PLXNA4: variants seen among roughly 807,000 people sequenced by gnomAD.
PLXNA4 encodes the protein plexin-A4.
A neutral mutation model predicts 191.8 loss-of-function variants in PLXNA4; 44 were observed. That is an observed-to-expected ratio of 0.23 (90% CI 0.18 to 0.29). The LOEUF (loss-of-function observed/expected upper bound fraction) is 0.29, where lower values mean the gene tolerates loss of function less well. Ranked by LOEUF, PLXNA4 falls within the 10% of genes least tolerant of loss-of-function variation. The pLI, the probability that PLXNA4 is intolerant of heterozygous loss-of-function variation, is 1.00. For missense variants in PLXNA4, 1,800 were observed against 2,488.8 expected, an observed-to-expected ratio of 0.72 and a Z score of 5.89; for synonymous variants, 1,082 against 1,009.5, an observed-to-expected ratio of 1.07 and a Z score of -1.36.
At chr7:132,457,901 G>A (rs2117339628) in intron 3 of PLXNA4, among the ~76,000 whole-genome samples, 1 of 152,324 alleles carries the variant, frequency 6.6e-6, no homozygotes, top group Middle Eastern at 3.4e-3. Context: ...TTCTCCTCTG[G>A]AGGCTCCAGC....
At chr7:132,228,239 C>CG (rs1562979185) in intron 6 of PLXNA4, 107 bp downstream of exon 6, 1 of 1,464,048 alleles carries the variant, frequency 6.8e-7, no homozygotes, top group African/African-American at 1.4e-5. Context: ...TTCTGCTGGC[C>CG]GGGCTTGGCC....
intron 2 of PLXNA4, among the ~76,000 whole-genome samples, chr7:132,628,668 A>T (rs1317887082): frequency 2.0e-5 from 3 of 150,654 alleles, no homozygotes; most frequent in Admixed American, 2.0e-4. Flanking sequence ...GGTTAATTTG[A>T]TCTAATTTCT....
intron 1 of PLXNA4, among the ~76,000 whole-genome samples, chr7:132,567,097 A>G (rs528943003): frequency 5.1e-4 from 78 of 152,270 alleles, no homozygotes; most frequent in Admixed American, 3.3e-3. Context: ...TGGCCCAATA[A>G]CCTGAAAAGC....
At chr7:132,319,902 A>C (rs1313739846) in intron 3 of PLXNA4, among the ~76,000 whole-genome samples, 1 of 152,270 alleles carries the variant, frequency 6.6e-6, no homozygotes, top group Admixed American at 6.5e-5. Flanking sequence ...GCTCTGCTGG[A>C]GTTCTGCAGG....
intron 3 of PLXNA4, among the ~76,000 whole-genome samples, chr7:132,414,433 T>C (rs1794581247): frequency 6.6e-6 from 1 of 152,132 alleles, no homozygotes; most frequent in African/African-American, 2.4e-5. Flanking sequence ...GGGGAAAATA[T>C]TTATCAAACC....
At chr7:132,498,448 C>T (rs1798117234) in intron 2 of PLXNA4, among the ~76,000 whole-genome samples, 1 of 152,004 alleles carries the variant, frequency 6.6e-6, no homozygotes, top group African/African-American at 2.4e-5. Flanking sequence ...CAGGGAAACA[C>T]CCCCTTATAA....
At chr7:132,373,775 A>G (rs2116909572) in intron 3 of PLXNA4, among the ~76,000 whole-genome samples, 1 of 152,342 alleles carries the variant, frequency 6.6e-6, no homozygotes, top group African/African-American at 2.4e-5. Flanking sequence ...AGTGACAACA[A>G]AAGAGAGAAA....
At chr7:132,187,752 C>A in intron 14 of PLXNA4, 145 bp from the exon 15 acceptor site, 1 of 1,411,492 alleles carries the variant, frequency 7.1e-7, no homozygotes, top group East Asian at 2.4e-5. Context: ...GGGCAGTTCT[C>A]TTAGGCTTGC....
At chr7:132,314,253 G>A (rs1371573589) in intron 3 of PLXNA4, among the ~76,000 whole-genome samples, 1 of 152,178 alleles carries the variant, frequency 6.6e-6, no homozygotes, top group Non-Finnish European at 1.5e-5. Context: ...CTTAGGGCTG[G>A]TTCAGGAACT....
chr7:132,223,459 A>G, intron 9 of PLXNA4, 68 bp downstream of exon 9: 3 of 1,338,870 alleles, frequency 2.2e-6, no homozygotes, highest in Non-Finnish European at 3.2e-6. Context: ...CTCTTAAGGG[A>G]ATGCCTCTCT....
intron 3 of PLXNA4, chr7:132,383,472 A>G: frequency 1.3e-6 from 1 of 766,274 alleles, no homozygotes; most frequent in Non-Finnish European, 1.6e-6. Flanking sequence ...CCCATTTTCC[A>G]AGCACAACTA....
At chr7:132,616,657 C>T (rs188579625) in intron 2 of PLXNA4, among the ~76,000 whole-genome samples, 1 of 152,276 alleles carries the variant, frequency 6.6e-6, no homozygotes, top group East Asian at 1.9e-4. Flanking sequence ...CAGACATACT[C>T]AAAATATAGA....
chr7:132,527,927 T>G (rs1799470281), intron 1 of PLXNA4, among the ~76,000 whole-genome samples: 1 of 152,146 alleles, frequency 6.6e-6, no homozygotes. Context: ...TTCTGAGAGT[T>G]AATTTAGTAA....
In PLXNA4 at chr7:132,294,193, C is replaced by T. The variant is rs60543271; in HGVS notation, c.1503+3898G>A. Among the ~76,000 whole-genome samples the T allele has an allele frequency of 3.0e-3, 456 of 152,268 alleles. 1 individual carries two copies. The highest frequency in any genetic ancestry group is 0.011 in the African/African-American group (444 of 41,554). On this transcript the variant is annotated intron_variant, in intron 4 of 31. Transcript: ENST00000321063. Reference sequence around the variant, plus strand: ...GAGTGGAAGGCAATCTAGAGTTTTACCTGTGGTACTCAGGGGACGCAGATA... The same window carrying T: ...GAGTGGAAGGCAATCTAGAGTTTTATCTGTGGTACTCAGGGGACGCAGATA...
chr7:132,619,191 T>C (rs1362529837), intron 2 of PLXNA4, among the ~76,000 whole-genome samples: 1 of 152,190 alleles, frequency 6.6e-6, no homozygotes, highest in African/African-American at 2.4e-5. Context: ...GTGAAGTATA[T>C]GTGTATGTTT....
At chr7:132,587,583 T>G (rs543887871) in intron 2 of PLXNA4, among the ~76,000 whole-genome samples, 1 of 152,304 alleles carries the variant, frequency 6.6e-6, no homozygotes, top group South Asian at 2.1e-4. Flanking sequence ...GCCATAAGCT[T>G]TGCATTGACT....
intron 3 of PLXNA4, among the ~76,000 whole-genome samples, chr7:132,435,677 C>G (rs1283552401): frequency 2.0e-5 from 3 of 152,198 alleles, no homozygotes; most frequent in Admixed American, 1.3e-4. Context: ...CAACACTTGT[C>G]TTTGTGTTGG....
intron 1 of PLXNA4, among the ~76,000 whole-genome samples, chr7:132,563,335 CCTTCTCCTCCTCTTT>C (rs1801438271): frequency 9.0e-6 from 1 of 111,680 alleles, no homozygotes; most frequent in Non-Finnish European, 1.8e-5. Flanking sequence ...TCCTCCTCCT[CCTTCTCCTCCTCTTT>C]CTCCTCCTTC....
In PLXNA4 at chr7:132,126,198, G is replaced by A. The variant is rs1475536083; in HGVS notation, c.*4281C>T. The A allele has an allele frequency of 6.6e-6, 1 of 152,578 alleles. No individual in the cohort carries two copies. Among genetic ancestry groups the A allele is most frequent in the East Asian group, 1.9e-4 (1 of 5,174 alleles). 9.5% of individuals were successfully genotyped at this position (152,578 alleles called of 1,614,324 possible). ...TCACGGCTCTGGAAACAGTGGTAAG[G>A]ATTCTTCTTGCAGTGGAGGTCATTT... is the stretch of plus-strand genomic sequence containing the variant. On this transcript the variant is annotated 3_prime_UTR_variant, in exon 32 of 32. Transcript: ENST00000321063.
Sources: gnomAD v4.1 joint callset for allele counts (sites outside exome capture counted in the v4.1 genomes callset) on GRCh38, gnomAD v4.1.1 for gene constraint, MANE v1.5 for transcripts, NCBI Gene and HGNC (gene_info 2026-07-23, HGNC 2026-07-21) for gene names.